The following PKN3 variants were observed in gnomAD, a reference collection of about 807,000 sequenced individuals.
The protein encoded by PKN3 is serine/threonine-protein kinase N3.
Under a neutral mutation model 113.1 loss-of-function variants are expected in PKN3, and 91 were observed. The observed-to-expected ratio is 0.80, with a 90% CI of 0.68 to 0.96. The LOEUF (loss-of-function observed/expected upper bound fraction) is 0.96, where lower values mean the gene tolerates loss of function less well. PKN3 is among the 40% of genes least tolerant of loss of function. The pLI is 0.00. For missense variants in PKN3, 1,052 were observed against 1,202.2 expected, an observed-to-expected ratio of 0.88 and a Z score of 1.85; for synonymous variants, 467 against 499.0, an observed-to-expected ratio of 0.94 and a Z score of 0.85.
At chr9:128,711,702 G>C (rs1204785966) in intron 6 of PKN3, among the ~76,000 whole-genome samples, 2 of 151,094 alleles carry the variant, frequency 1.3e-5, no homozygotes, top group Non-Finnish European at 1.5e-5. Context: ...AGGTTCAAGC[G>C]ATTCTCCTGC....
chr9:128,714,895 A>G, intron 13 of PKN3, 30 bp downstream of exon 13: 1 of 1,597,596 alleles, frequency 6.3e-7, no homozygotes, highest in Non-Finnish European at 8.6e-7. Flanking sequence ...TTCATGTTTG[A>G]GACGTTCGTC....
In PKN3 at chr9:128,718,306, C is replaced by T. The variant is rs1335971723; in HGVS notation, c.1986-19C>T. On this transcript the variant is annotated intron_variant, in intron 16 of 21. Coordinates refer to ENST00000291906, the MANE Select transcript of PKN3 (RefSeq NM_013355.5). ...GGTGTGTGTCTTGGGCCTGAGTTCT[C>T]CCATAACCACCCCTGCAGCTTCTAC... The T allele has an allele frequency of 4.3e-6, 7 of 1,612,204 alleles. No homozygotes were observed. The highest frequency in any genetic ancestry group is 4.2e-6 in the Non-Finnish European group (5 of 1,178,466).
At position 128,718,381 on chromosome 9, in the gene PKN3, T is replaced by A; in HGVS notation, c.2042T>A (p.Ile681Asn). Residue 681 changes from isoleucine (I) to asparagine (N), a missense_variant, in exon 17 of 22, where the codon ATT (isoleucine) becomes AAT (asparagine). Around this residue, in one of 2 missense-constraint regions of PKN3, gnomAD observed 333 missense variants for 442.8 expected, o/e 0.75. Coordinates refer to ENST00000291906, the MANE Select transcript of PKN3 (RefSeq NM_013355.5). ...CAGTTCTTACACGAGAAGAAGATCATTTACAGGTGACTTTTGTCCCAGGGA... is the reference window on the plus strand; with the variant it reads ...CAGTTCTTACACGAGAAGAAGATCAATTACAGGTGACTTTTGTCCCAGGGA... ...GLQFLHEKKI[I>N]YRDLKLDNLL... 6.2e-7 allele frequency: 1 copy of A among 1,613,320 alleles called. No homozygotes were observed. The highest frequency in any genetic ancestry group is 8.5e-7 in the Non-Finnish European group (1 of 1,179,710).
In PKN3 at chr9:128,714,194, C is replaced by A. The variant is rs558924975; in HGVS notation, c.1313-3C>A. 1.2e-6 allele frequency: 2 copies of A among 1,614,030 alleles called. No individual in the cohort carries two copies. Among genetic ancestry groups the A allele is most frequent in the East Asian group, 2.2e-5 (1 of 44,882 alleles). ...CGGGACTAAGCTCCCCCTTTTCTCC[C>A]AGGCCAGGACTTCCTGAGGGCTTCG... On this transcript the variant is annotated splice_polypyrimidine_tract_variant and splice_region_variant and intron_variant, in intron 10 of 21. Coordinates refer to ENST00000291906, the MANE Select transcript of PKN3 (RefSeq NM_013355.5).
Position 128,705,493 on chromosome 9 carries a change from G to A in PKN3, c.215G>A (p.Arg72Gln), listed in dbSNP as rs551707428. Residue 72 changes from arginine (R) to glutamine (Q), a missense_variant, in exon 2 of 22, where the codon CGG becomes CAG. Physicochemically the swap from Arg to Gln is conservative, Grantham distance 43. Around this residue, in one of 2 missense-constraint regions of PKN3, gnomAD observed 719 missense variants for 759.4 expected, o/e 0.95. Transcript: ENST00000291906. ...CTGGAGCAGCTGCATGGCGAGCTGC[G>A]GGAGCTGCACGCCCGAATCCTGCTG... ...RRLEQLHGEL[R>Q]ELHARILLPG... The A allele has an allele frequency of 1.1e-5, 17 of 1,560,980 alleles. No homozygotes were observed. The highest frequency in any genetic ancestry group is 7.2e-5 in the East Asian group (3 of 41,500).
chr9:128,705,796 C>G lies in PKN3; in HGVS notation c.328C>G (p.Leu110Val). ...GCTCAGGGCTCGGCACCTAGAGGCTCTCCGGAGGCAGCTGCATGTGGAGCT... is the reference window on the plus strand; with the variant it reads ...GCTCAGGGCTCGGCACCTAGAGGCTGTCCGGAGGCAGCTGCATGTGGAGCT... ...EQLRARHLEALRRQLHVELKV... is the reference protein window; with the variant it reads ...EQLRARHLEAVRRQLHVELKV... The change falls in exon 3 of 22, where the codon CTC (leucine) becomes GTC (valine). Residue 110 changes from leucine to valine, a missense_variant. Physicochemically the swap from Leu to Val is conservative, Grantham distance 32 (BLOSUM62 1). Around this residue, in one of 2 missense-constraint regions of PKN3, gnomAD observed 719 missense variants for 759.4 expected, o/e 0.95. Transcript: ENST00000291906. The G allele has an allele frequency of 6.2e-7, 1 of 1,608,480 alleles. No individual in the cohort carries two copies.
In PKN3 at chr9:128,715,007, T is replaced by C. The variant is rs1182209585; in HGVS notation, c.1652+142T>C. 1 of 1,070,056 alleles carries C rather than the reference T, an allele frequency of 9.3e-7. No homozygotes were observed. The highest frequency in any genetic ancestry group is 1.4e-6 in the Non-Finnish European group (1 of 701,924). 66.3% of individuals were successfully genotyped at this position (1,070,056 alleles called of 1,614,324 possible). A position where few individuals can be genotyped will look rare whatever the true frequency, so the allele number is the denominator to read the frequency against. On this transcript the variant is annotated intron_variant, in intron 13 of 21. Coordinates refer to ENST00000291906, the MANE Select transcript of PKN3 (RefSeq NM_013355.5). This position sits in a 1 kb window ranked among gnomAD's most constrained non-coding sequence, Gnocchi z 4.1. ...GGTCTGATTTACTAAACCCACATTA[T>C]TGAGCTCCAGCTCTATGCCGGCTTC...
chr9:128,706,832 C>CT lies in PKN3; in HGVS notation c.523+10dup, dbSNP rs1263184632. The CT allele has an allele frequency of 6.2e-7, 1 of 1,612,086 alleles. No individual in the cohort carries two copies. Among genetic ancestry groups the CT allele is most frequent in the East Asian group, 2.2e-5 (1 of 44,834 alleles). On this transcript the variant is annotated intron_variant, in intron 4 of 21. Coordinates refer to ENST00000291906, the MANE Select transcript of PKN3 (RefSeq NM_013355.5). The stretch of plus-strand genomic sequence containing the variant: ...GTGGGTCCCCGGAGCCAGGTGAGGC[C>CT]TTGAGACACAGGGAGGGCGGAGCAG...
At position 128,718,541 on chromosome 9, in the gene PKN3, GCCCT is replaced by G; in HGVS notation, c.2049-6_2049-3del. ...CTCAGTCCCTTTGATCTGCACCCTT[GCCCT>G]CAGGGACCTGAAGTTGGATAACCTT... is the stretch of plus-strand genomic sequence containing the variant. On this transcript the variant is annotated splice_region_variant and splice_polypyrimidine_tract_variant and intron_variant, in intron 17 of 21. Coordinates refer to ENST00000291906, the MANE Select transcript of PKN3 (RefSeq NM_013355.5). The G allele has an allele frequency of 6.2e-7, 1 of 1,613,886 alleles. No homozygotes were observed. The highest frequency in any genetic ancestry group is 8.5e-7 in the Non-Finnish European group (1 of 1,179,880).
Position 128,712,992 on chromosome 9 carries a change from C to A in PKN3, c.836-60C>A, listed in dbSNP as rs1862221257. The A allele has an allele frequency of 2.6e-6, 4 of 1,535,878 alleles. No homozygotes were observed. In the East Asian group the frequency reaches 9.1e-5, roughly 35 times the overall value. ...TGGCCTTCCTGGGGTCCCAGGACACCTTGGTGGTAGCAGTGGGAAGATGGC... is the reference window on the plus strand; with the variant it reads ...TGGCCTTCCTGGGGTCCCAGGACACATTGGTGGTAGCAGTGGGAAGATGGC... On this transcript the variant is annotated intron_variant, in intron 6 of 21. Transcript: ENST00000291906.
chr9:128,702,765 C>G lies in PKN3; in HGVS notation c.-151C>G. On this transcript the variant is annotated 5_prime_UTR_variant, in exon 1 of 22. Transcript: ENST00000291906. ...CGGACGGGAGGCGGCGCTGGTCCCG[C>G]GGGCCAGCGGGTCTCGGGAGGGGGC... is the stretch of plus-strand genomic sequence containing the variant. 1 of 586,830 alleles carries G rather than the reference C, an allele frequency of 1.7e-6. No homozygotes were observed. Among genetic ancestry groups the G allele is most frequent in the Non-Finnish European group, 2.9e-6 (1 of 344,906 alleles). The allele number at this position is 586,830 out of a possible 1,614,324, so 36.4% of individuals were successfully genotyped here. A position where few individuals can be genotyped will look rare whatever the true frequency, so the allele number is the denominator to read the frequency against.
In PKN3 at chr9:128,707,390, C is replaced by G. The variant is rs1427048875; in HGVS notation, c.820C>G (p.Pro274Ala). The G allele has an allele frequency of 1.2e-6, 2 of 1,608,360 alleles. No homozygotes were observed. The highest frequency in any genetic ancestry group is 1.7e-5 in the Admixed American group (1 of 59,608). The change falls in exon 6 of 22, where the codon CCC (proline) becomes GCC (alanine). Residue 274 changes from proline to alanine, a missense_variant. Transcript: ENST00000291906. Reference sequence around the variant, plus strand: ...CCAGCCTTCAGGGACACCTGTGAAGCCCACCGCCCTAACAGGTAGTCAGAA... The same window carrying G: ...CCAGCCTTCAGGGACACCTGTGAAGGCCACCGCCCTAACAGGTAGTCAGAA... The part of the protein sequence containing the change: ...YPQPSGTPVK[P>A]TALTGTLQVR...
At chr9:128,704,301 AGCTGAGCAGGGAGTGGGC>A (rs2132279626) in intron 1 of PKN3, among the ~76,000 whole-genome samples, 1 of 152,136 alleles carries the variant, frequency 6.6e-6, no homozygotes, top group East Asian at 1.9e-4. Flanking sequence ...TCCTCCCGGG[AGCTGAGCAGGGAGTGGGC>A]ACCCGGAGAC....
rs143366030 is a variant in PKN3 at position 128,702,959 on chromosome 9, C to T, written c.24+20C>T. The stretch of plus-strand genomic sequence containing the variant: ...CGGCAGGTGAACGGCGTGGGAGGGG[C>T]GCGCGGGCCCGGGGGGTGCGAGAAA... On this transcript the variant is annotated intron_variant, in intron 1 of 21. Transcript: ENST00000291906. 2.3e-3 allele frequency: 3,294 copies of T among 1,412,148 alleles called. 78 individuals are homozygous for T. In the African/African-American group the frequency reaches 0.044, roughly 19 times the overall value. The allele number at this position is 1,412,148 out of a possible 1,614,324, so 87.5% of individuals were successfully genotyped here.
intron 6 of PKN3, among the ~76,000 whole-genome samples, chr9:128,711,087 C>A (rs1455063612): frequency 6.6e-6 from 1 of 151,702 alleles, no homozygotes; most frequent in Non-Finnish European, 1.5e-5. Context: ...CTCACTGCAA[C>A]CTCCGCCTCC....
At chr9:128,717,604 T>C (rs1302291947) in intron 16 of PKN3, among the ~76,000 whole-genome samples, 1 of 150,964 alleles carries the variant, frequency 6.6e-6, no homozygotes, top group African/African-American at 2.4e-5. Flanking sequence ...GGCACACGCC[T>C]GTAATCCTAG....
At chr9:128,717,837 G>A (rs1012613286) in intron 16 of PKN3, among the ~76,000 whole-genome samples, 31 of 146,434 alleles carry the variant, frequency 2.1e-4, no homozygotes, top group African/African-American at 7.3e-4. Context: ...GGCCAACATG[G>A]TGAAACCCTA....
chr9:128,710,681 A>T (rs1289618033), intron 6 of PKN3, among the ~76,000 whole-genome samples: 5 of 151,972 alleles, frequency 3.3e-5, no homozygotes, highest in African/African-American at 1.2e-4. Context: ...TAGTAGAGAC[A>T]GAGTTTTGCC....
chr9:128,719,732 G>A lies in PKN3; in HGVS notation c.2172G>A (p.Glu724=). The change falls in exon 19 of 22, where the codon GAG becomes GAA. Residue 724 remains glutamate, a synonymous_variant. Transcript: ENST00000291906. ...CTAGCACCTTCTGTGGCACCCCGGA[G>A]TTCCTGGCTCCCGAGGTGCTGACCC... ...DRTSTFCGTP[E]FLAPEVLTQE... 6.3e-7 allele frequency: 1 copy of A among 1,593,594 alleles called. No homozygotes were observed. Among genetic ancestry groups the A allele is most frequent in the Non-Finnish European group, 8.6e-7 (1 of 1,168,950 alleles).
Sources: allele counts gnomAD v4.1 joint callset (sites outside exome capture counted in the v4.1 genomes callset), GRCh38; gene constraint gnomAD v4.1.1; regional missense constraint gnomAD v4.1.1; non-coding constraint Gnocchi (gnomAD v3.1); transcripts MANE v1.5; gene names NCBI Gene and HGNC (gene_info 2026-07-23, HGNC 2026-07-21).